Variants in PNPLA6 observed in about 807,000 individuals in gnomAD.
PNPLA6 encodes patatin-like phospholipase domain-containing protein 6.
In PNPLA6, 105 loss-of-function variants were observed where a neutral mutation model predicts 153.7. That is an observed-to-expected ratio of 0.68 (90% CI 0.58 to 0.80). PNPLA6 has a LOEUF of 0.80. PNPLA6 is among the 30% of genes least tolerant of loss of function. The pLI is 0.00. For missense variants in PNPLA6, 1,423 were observed against 1,919.3 expected (o/e 0.74, Z 4.83); for synonymous variants, 825 against 822.2 (o/e 1.00, Z -0.06).
chr19:7,542,387 T>G, intron 10 of PNPLA6, 174 bp from the exon 11 acceptor site: 1 of 664,464 alleles, frequency 1.5e-6, no homozygotes, highest in Non-Finnish European at 2.7e-6. Context: ...CAGGCTAGAG[T>G]GCAGTGGTGC....
Position 7,539,959 on chromosome 19 carries a change from A to T in PNPLA6, c.455A>T (p.Lys152Met). The T allele has an allele frequency of 6.4e-7, 1 of 1,571,910 alleles. No homozygotes were observed. The highest frequency in any genetic ancestry group is 8.6e-7 in the Non-Finnish European group (1 of 1,159,212). ...AAAGAGACGCCCACGCTGCAGCGGA[A>T]GGAGCCCCCGCCCGCAGTGCTAGAA... ...IQKETPTLQR[K>M]EPPPAVLEAD... The change falls in exon 4 of 32, where the codon AAG (lysine) becomes ATG (methionine). Residue 152 changes from lysine (K) to methionine (M), a missense_variant. By Grantham distance (95) the Lys-to-Met change is moderately conservative (BLOSUM62 -1). Coordinates refer to ENST00000600737, the MANE Select transcript of PNPLA6 (RefSeq NM_001166114.2).
intron 27 of PNPLA6, among the ~76,000 whole-genome samples, 182 bp from the exon 28 acceptor site, chr19:7,558,668 C>A (rs926896976): frequency 1.3e-5 from 2 of 152,186 alleles, no homozygotes; most frequent in Non-Finnish European, 2.9e-5. Flanking sequence ...CCTGACCCCC[C>A]TCCTCAACTT....
rs769646919 is a variant in PNPLA6 at position 7,551,038 on chromosome 19, G to A, written c.2115G>A (p.Ala705=). 1.3e-6 allele frequency: 2 copies of A among 1,549,480 alleles called. No individual in the cohort carries two copies. The highest frequency in any genetic ancestry group is 2.4e-5 in the East Asian group (1 of 40,910). ...TRQPRATTVH[A]VRDTELAKLP... ...AGCCGCGAGCCACGACGGTGCACGC[G>A]GTGCGCGACACGGAGCTGGCCAAGC... The change falls in exon 17 of 32, where the codon GCG becomes GCA. Residue 705 remains alanine, a synonymous_variant. Coordinates refer to ENST00000600737, the MANE Select transcript of PNPLA6 (RefSeq NM_001166114.2).
At chr19:7,558,556 C>T (rs1044050571) in intron 27 of PNPLA6, among the ~76,000 whole-genome samples, 6 of 152,104 alleles carry the variant, frequency 3.9e-5, no homozygotes, top group African/African-American at 1.2e-4. Flanking sequence ...TGCTTGAACC[C>T]GGGAGGTGGA....
chr19:7,560,280 A>C (rs763611619), intron 28 of PNPLA6, among the ~76,000 whole-genome samples: 7 of 152,176 alleles, frequency 4.6e-5, no homozygotes, highest in Non-Finnish European at 7.3e-5. Flanking sequence ...GCTCACTGGG[A>C]TAGCATGCCA....
chr19:7,557,130 G>C, intron 26 of PNPLA6, 38 bp from the exon 27 acceptor site: 1 of 1,462,104 alleles, frequency 6.8e-7, no homozygotes, highest in Non-Finnish European at 9.6e-7. Context: ...GTCTGAGCGT[G>C]TCTGTGCGTG....
Position 7,540,525 on chromosome 19 carries a change from C to G in PNPLA6, c.715-105C>G. 9.9e-6 allele frequency: 11 copies of G among 1,106,212 alleles called. No homozygotes were observed. In the South Asian group the frequency reaches 1.1e-4, roughly 11 times the overall value. The allele number at this position is 1,106,212 out of a possible 1,614,324, so 68.5% of individuals were successfully genotyped here. On this transcript the variant is annotated intron_variant, in intron 5 of 31. Coordinates refer to ENST00000600737, the MANE Select transcript of PNPLA6 (RefSeq NM_001166114.2). This position sits in a 1 kb window ranked among gnomAD's most constrained non-coding sequence, Gnocchi z 6.8. ...TCGTTGGAAGGGTTGGTGGGTTCCC[C>G]TGAGAAGGGATGAGAAGTGTCAGTG...
intron 13 of PNPLA6, among the ~76,000 whole-genome samples, chr19:7,548,219 C>A (rs1263116532): frequency 6.6e-6 from 1 of 151,854 alleles, no homozygotes; most frequent in African/African-American, 2.4e-5. Flanking sequence ...TGGCAGGCAC[C>A]TTTAATCTCA....
rs1055418995 is a variant in PNPLA6, at chr19:7,554,915, C to T, written c.2657C>T (p.Thr886Met). Reference protein sequence around the residue: ...LGQLEQMLENTAVRALKQLVL... With the variant: ...LGQLEQMLENMAVRALKQLVL... Reference sequence around the variant, plus strand: ...CAGCTGGAGCAGATGCTGGAGAACACGGCTGTGCGCGCCCTTAAGCAGCTA... The same window carrying T: ...CAGCTGGAGCAGATGCTGGAGAACATGGCTGTGCGCGCCCTTAAGCAGCTA... The change falls in exon 22 of 32, where the codon ACG becomes ATG. Residue 886 changes from threonine to methionine, a missense_variant. Thr to Met is a moderately conservative substitution (Grantham distance 81). This residue lies in a region of PNPLA6 where 643 missense variants were observed against 835.2 expected (regional missense o/e 0.77). Transcript: ENST00000600737. The T allele has an allele frequency of 8.2e-6, 13 of 1,586,926 alleles. No individual in the cohort carries two copies. The South Asian group carries it at 1.2e-4, about 15-fold the overall frequency.
Position 7,536,084 on chromosome 19 carries a change from G to A in PNPLA6, c.232+64G>A, listed in dbSNP as rs566402565. On this transcript the variant is annotated intron_variant, in intron 1 of 31. Transcript: ENST00000600737. Reference sequence around the variant, plus strand: ...TGGGGGGCCCAAATGCCCGGGTCCCGAGGCGGCAGAGATGGGGATTTGCTG... The same window carrying A: ...TGGGGGGCCCAAATGCCCGGGTCCCAAGGCGGCAGAGATGGGGATTTGCTG... 70 of 1,574,608 alleles carry A rather than the reference G, an allele frequency of 4.4e-5. No individual in the cohort carries two copies. In the South Asian group the frequency reaches 6.0e-4, roughly 14 times the overall value.
At position 7,535,969 on chromosome 19, in the gene PNPLA6, G is replaced by C. The variant is rs112732576; in HGVS notation, c.181G>C (p.Val61Leu). ...GVMIGAGVAVVVTAVLILLVV... is the reference protein window; with the variant it reads ...GVMIGAGVAVLVTAVLILLVV... ...GATGATCGGGGCCGGAGTGGCGGTG[G>C]TGGTCACGGCCGTGCTCATCCTCCT... The change falls in exon 1 of 32, where the codon GTG (valine) becomes CTG (leucine). Residue 61 changes from valine to leucine, a missense_variant. By Grantham distance (32) the Val-to-Leu change is conservative. Transcript: ENST00000600737. This position sits in a 1 kb window ranked among gnomAD's most constrained non-coding sequence, Gnocchi z 5.0. The C allele has an allele frequency of 2.2e-3, 3,542 of 1,582,828 alleles. 82 individuals carry two copies. The African/African-American group carries it at 0.043, about 19-fold the overall frequency.
Position 7,555,086 on chromosome 19 carries a change from G to A in PNPLA6, c.2817+11G>A. The stretch of plus-strand genomic sequence containing the variant: ...AGCCCTGCCAAGCTGGTGAGGAGCG[G>A]GCCGGCCCCCACCTTCTAGGGGCGT... On this transcript the variant is annotated intron_variant, in intron 22 of 31. Coordinates refer to ENST00000600737, the MANE Select transcript of PNPLA6 (RefSeq NM_001166114.2). This position sits in a 1 kb window ranked among gnomAD's most constrained non-coding sequence, Gnocchi z 6.3. 6.3e-7 allele frequency: 1 copy of A among 1,592,070 alleles called. No individual in the cohort carries two copies. Among genetic ancestry groups the A allele is most frequent in the South Asian group, 1.1e-5 (1 of 89,816 alleles).
At position 7,555,168 on chromosome 19, in the gene PNPLA6, C is replaced by A; in HGVS notation, c.2818-81C>A. On this transcript the variant is annotated intron_variant, in intron 22 of 31. Transcript: ENST00000600737. This position sits in a 1 kb window ranked among gnomAD's most constrained non-coding sequence, Gnocchi z 6.3. ...GGGGCCTGGGAGGGCTGAGGACAGG[C>A]TCGAAGGTCAGGGTACCCCTGGGGG... 6.5e-7 allele frequency: 1 copy of A among 1,531,840 alleles called. No homozygotes were observed. The highest frequency in any genetic ancestry group is 8.8e-7 in the Non-Finnish European group (1 of 1,132,486). 94.9% of individuals were successfully genotyped at this position (1,531,840 alleles called of 1,614,324 possible). A position where few individuals can be genotyped will look rare whatever the true frequency, so the allele number is the denominator to read the frequency against.
Position 7,540,109 on chromosome 19 carries a change from C to T in PNPLA6, c.555-40C>T. The T allele has an allele frequency of 6.2e-7, 1 of 1,613,774 alleles. No individual in the cohort carries two copies. Among genetic ancestry groups the T allele is most frequent in the Admixed American group, 1.7e-5 (1 of 60,028 alleles). On this transcript the variant is annotated intron_variant, in intron 4 of 31. Coordinates refer to ENST00000600737, the MANE Select transcript of PNPLA6 (RefSeq NM_001166114.2). The surrounding 1 kb of genome is among the most constrained non-coding windows in gnomAD (Gnocchi z 6.8). Reference sequence around the variant, plus strand: ...TGGAGGGCTGCAGACGTGGGGCCGCCCTGACCTCCAGCCTCTGTCGCCCAC... The same window carrying T: ...TGGAGGGCTGCAGACGTGGGGCCGCTCTGACCTCCAGCCTCTGTCGCCCAC...
chr19:7,559,863 G>A lies in PNPLA6; in HGVS notation c.3699+712G>A, dbSNP rs113533062. On this transcript the variant is annotated intron_variant, in intron 28 of 31. Coordinates refer to ENST00000600737, the MANE Select transcript of PNPLA6 (RefSeq NM_001166114.2). The stretch of plus-strand genomic sequence containing the variant: ...TGTCTCTAAGAAAAAGAAAGGGCCA[G>A]GCATGGTGGCTCATGCATTTAATCC... 7.4e-3 allele frequency among the ~76,000 whole-genome samples: 1,097 copies of A among 148,834 alleles called. 14 individuals are homozygous for A. Among genetic ancestry groups the A allele is most frequent in the African/African-American group, 0.026 (1,045 of 40,348 alleles).
At chr19:7,542,412 G>A in intron 10 of PNPLA6, 149 bp from the exon 11 acceptor site, 1 of 704,140 alleles carries the variant, frequency 1.4e-6, no homozygotes, top group Non-Finnish European at 2.6e-6. Flanking sequence ...ATAGCTCACT[G>A]CAGCCTCGAA....
intron 18 of PNPLA6, among the ~76,000 whole-genome samples, chr19:7,552,888 G>A (rs1345712778): frequency 2.0e-5 from 3 of 152,072 alleles, no homozygotes; most frequent in Non-Finnish European, 4.4e-5. Flanking sequence ...AAGGGAGGGA[G>A]AAAGAGGCTT....
rs1479075714 is a variant in PNPLA6, at chr19:7,555,308, C to G, written c.2877C>G (p.Arg959=). 6.3e-7 allele frequency: 1 copy of G among 1,585,164 alleles called. No homozygotes were observed. Among genetic ancestry groups the G allele is most frequent in the Non-Finnish European group, 8.6e-7 (1 of 1,165,498 alleles). ...RRADRHSDFS[R]LARVLTGNTI... ...CGGACCGGCACAGCGACTTCTCCCG[C>G]TTGGCGAGGGTGCTCACGGGGAACA... Residue 959 remains arginine (R), a synonymous_variant, in exon 23 of 32, where the codon CGC becomes CGG. Transcript: ENST00000600737. This position sits in a 1 kb window ranked among gnomAD's most constrained non-coding sequence, Gnocchi z 6.3.
chr19:7,550,965 C>G, intron 16 of PNPLA6, 29 bp from the exon 17 acceptor site: 3 of 1,464,292 alleles, frequency 2.0e-6, no homozygotes, highest in Non-Finnish European at 2.8e-6. Flanking sequence ...CCCACCCAAG[C>G]AGCCCCAATC....
Sources: gnomAD v4.1 joint callset for allele counts (sites outside exome capture counted in the v4.1 genomes callset) on GRCh38, gnomAD v4.1.1 for gene constraint, gnomAD v4.1.1 regional missense constraint, Gnocchi (gnomAD v3.1) non-coding constraint, MANE v1.5 for transcripts, NCBI Gene and HGNC (gene_info 2026-07-23, HGNC 2026-07-21) for gene names.